The following KCNQ4 variants were observed in gnomAD, a reference collection of about 807,000 sequenced individuals.
The protein encoded by KCNQ4 is potassium voltage-gated channel subfamily Q member 4.
In KCNQ4, 31 loss-of-function variants were observed where a neutral mutation model predicts 72.6. That is an observed-to-expected ratio of 0.43 (90% CI 0.32 to 0.58). The LOEUF (loss-of-function observed/expected upper bound fraction) is 0.58, where lower values mean the gene tolerates loss of function less well. KCNQ4 is among the 20% of genes least tolerant of loss of function. The pLI, the probability that KCNQ4 is intolerant of heterozygous loss-of-function variation, is 0.08. For missense variants in KCNQ4, 869 were observed against 962.6 expected, an observed-to-expected ratio of 0.90 and a Z score of 1.29; for synonymous variants, 405 against 403.7, an observed-to-expected ratio of 1.00 and a Z score of -0.04.
At position 40,818,176 on chromosome 1, in the gene KCNQ4, A is replaced by G. The variant is rs1281035238; in HGVS notation, c.418A>G (p.Ile140Val). 1.2e-6 allele frequency: 2 copies of G among 1,613,954 alleles called. No individual in the cohort carries two copies. Among genetic ancestry groups the G allele is most frequent in the Admixed American group, 3.3e-5 (2 of 60,018 alleles). ...ECLLILEFVM[I>V]VVFGLEYIVR... ...CCTGGTCCCACAGGAATTCGTGATGATCGTGGTTTTCGGCTTGGAGTACAT... is the reference window on the plus strand; with the variant it reads ...CCTGGTCCCACAGGAATTCGTGATGGTCGTGGTTTTCGGCTTGGAGTACAT... Residue 140 changes from isoleucine to valine, a missense_variant, in exon 3 of 14, where the codon ATC becomes GTC. Physicochemically the swap from Ile to Val is conservative, Grantham distance 29. This residue lies in a region of KCNQ4 where 179 missense variants were observed against 243.0 expected (regional missense o/e 0.74). Coordinates refer to ENST00000347132, the MANE Select transcript of KCNQ4 (RefSeq NM_004700.4).
At chr1:40,786,867 T>G (rs1446868382) in intron 1 of KCNQ4, among the ~76,000 whole-genome samples, 2 of 152,050 alleles carry the variant, frequency 1.3e-5, no homozygotes, top group African/African-American at 4.8e-5. Context: ...TGTGAGGAGC[T>G]CCAGATGTGG....
intron 9 of KCNQ4, 50 bp from the exon 10 acceptor site, chr1:40,831,034 C>A: frequency 6.6e-7 from 1 of 1,506,556 alleles, no homozygotes; most frequent in Non-Finnish European, 9.0e-7. Context: ...CTCACCCCCA[C>A]CCCCAGCTCT....
chr1:40,815,784 C>T (rs1648069062), intron 1 of KCNQ4, among the ~76,000 whole-genome samples: 1 of 152,164 alleles, frequency 6.6e-6, no homozygotes, highest in African/African-American at 2.4e-5. Flanking sequence ...TGCATGTCTT[C>T]CTTCCATAGC....
In KCNQ4 at chr1:40,794,496, C is replaced by T. The variant is rs2769258; in HGVS notation, c.314+10089C>T. On this transcript the variant is annotated intron_variant, in intron 1 of 13. Coordinates refer to ENST00000347132, the MANE Select transcript of KCNQ4 (RefSeq NM_004700.4). This position sits in a 1 kb window ranked among gnomAD's most constrained non-coding sequence, Gnocchi z 4.2. ...CTAAGTTACACAGCTTGTCTGTGGT[C>T]GAGTCAAGACTCAAACCCATGTCGG... Among the ~76,000 whole-genome samples, 72,598 of 152,080 alleles carry T rather than the reference C, an allele frequency of 0.48. 17,939 individuals are homozygous for T. The highest frequency in any genetic ancestry group is 0.74 in the East Asian group (3,811 of 5,160).
chr1:40,833,173 T>C, intron 11 of KCNQ4, 60 bp downstream of exon 11: 1 of 1,266,450 alleles, frequency 7.9e-7, no homozygotes, highest in Non-Finnish European at 1.1e-6. Context: ...CTGCTCCCCA[T>C]CTGGGCGGGT....
At chr1:40,818,062 C>G in intron 2 of KCNQ4, 102 bp from the exon 3 acceptor site, 3 of 1,502,078 alleles carry the variant, frequency 2.0e-6, no homozygotes, top group Non-Finnish European at 2.8e-6. Flanking sequence ...TCCGAGGAGG[C>G]CCTGGTCCCC....
intron 1 of KCNQ4, among the ~76,000 whole-genome samples, chr1:40,808,185 T>A (rs1647819758): frequency 6.6e-6 from 1 of 150,906 alleles, no homozygotes; most frequent in South Asian, 2.1e-4. Flanking sequence ...GGAGGGACGC[T>A]GGAAAGACGA....
chr1:40,790,941 G>A (rs1355981746), intron 1 of KCNQ4, among the ~76,000 whole-genome samples: 4 of 152,170 alleles, frequency 2.6e-5, no homozygotes, highest in Non-Finnish European at 5.9e-5. Flanking sequence ...GTGTATGCCA[G>A]AGGGCCACTG....
intron 1 of KCNQ4, among the ~76,000 whole-genome samples, chr1:40,811,138 G>T (rs920286549): frequency 4.6e-5 from 7 of 152,086 alleles, no homozygotes; most frequent in African/African-American, 1.7e-4. Context: ...TTAAGAACAT[G>T]CATTTAGAGG....
At chr1:40,813,200 T>C (rs1326857720) in intron 1 of KCNQ4, among the ~76,000 whole-genome samples, 2 of 151,672 alleles carry the variant, frequency 1.3e-5, no homozygotes, top group East Asian at 3.9e-4. Flanking sequence ...TGCCGAGGAG[T>C]TGGACTTTCC....
In KCNQ4 at chr1:40,821,689, A is replaced by G. The variant is rs74928755; in HGVS notation, c.1042-625A>G. Among the ~76,000 whole-genome samples the G allele has an allele frequency of 3.3e-3, 509 of 152,340 alleles. 12 individuals are homozygous for G. The East Asian group carries it at 0.047, about 14-fold the overall frequency. On this transcript the variant is annotated intron_variant, in intron 7 of 13. Transcript: ENST00000347132. ...ATAATGACATTCTGCAAACATTTGC[A>G]AAGCACCCACATGTGCCAGACACTA...
At chr1:40,837,560 G>T (rs189972526) in intron 12 of KCNQ4, 105 bp from the exon 13 acceptor site, 121 of 1,417,890 alleles carry the variant, frequency 8.5e-5, no homozygotes, top group East Asian at 7.0e-5. Context: ...CCCTCAGATT[G>T]CCTGTCCCCT....
At chr1:40,834,922 C>G (rs746145430) in intron 11 of KCNQ4, 45 bp from the exon 12 acceptor site, 1 of 1,608,648 alleles carries the variant, frequency 6.2e-7, no homozygotes, top group Admixed American at 1.7e-5. Flanking sequence ...GGGAAAGAAT[C>G]CCTGCTCTAA....
chr1:40,819,285 G>GC, intron 4 of KCNQ4, 62 bp from the exon 5 acceptor site: 2 of 1,602,796 alleles, frequency 1.2e-6, no homozygotes, highest in Non-Finnish European at 8.5e-7. Flanking sequence ...CCGTGTGGAA[G>GC]CCCCCCACAT....
At chr1:40,797,674 C>A (rs1184949049) in intron 1 of KCNQ4, among the ~76,000 whole-genome samples, 2 of 152,144 alleles carry the variant, frequency 1.3e-5, no homozygotes, top group African/African-American at 4.8e-5. Context: ...ATGCTACCAA[C>A]TTGTCCCCCT....
intron 1 of KCNQ4, among the ~76,000 whole-genome samples, chr1:40,791,764 A>T (rs554816126): frequency 2.8e-4 from 43 of 152,290 alleles, no homozygotes; most frequent in African/African-American, 1.0e-3. Context: ...GGAAGGTGGG[A>T]CTGGAGGAAA....
chr1:40,796,681 C>G (rs1004951587), intron 1 of KCNQ4, among the ~76,000 whole-genome samples: 3 of 152,160 alleles, frequency 2.0e-5, no homozygotes, highest in Admixed American at 1.3e-4. Context: ...CTTTGGGAGG[C>G]AGAGGCAGGC....
Position 40,784,103 on chromosome 1 carries a change from G to C in KCNQ4, c.10G>C (p.Ala4Pro). The change falls in exon 1 of 14, where the codon GCC becomes CCC. Residue 4 changes from alanine to proline, a missense_variant. Physicochemically the swap from Ala to Pro is conservative, Grantham distance 27 (BLOSUM62 -1). This residue lies in a region of KCNQ4 where 178 missense variants were observed against 145.3 expected (regional missense o/e 1.22). Transcript: ENST00000347132. This position sits in a 1 kb window ranked among gnomAD's most constrained non-coding sequence, Gnocchi z 4.1. MAE[A>P]PPRRLGLGPP... Reference sequence around the variant, plus strand: ...CAGCCCGGCGCCGCCCATGGCCGAGGCCCCCCCGCGCCGCCTCGGCCTGGG... The same window carrying C: ...CAGCCCGGCGCCGCCCATGGCCGAGCCCCCCCCGCGCCGCCTCGGCCTGGG... 1 of 484,732 alleles carries C rather than the reference G, an allele frequency of 2.1e-6. No homozygotes were observed. The highest frequency in any genetic ancestry group is 2.7e-6 in the Non-Finnish European group (1 of 372,042). The allele number at this position is 484,732 out of a possible 1,614,324, so 30.0% of individuals were successfully genotyped here.
At chr1:40,819,018 G>T (rs989583539) in intron 4 of KCNQ4, 2 of 561,326 alleles carry the variant, frequency 3.6e-6, no homozygotes, top group Admixed American at 3.1e-5. Flanking sequence ...GGCTGGAGCG[G>T]GGCTAGGGTG....
Sources: allele counts gnomAD v4.1 joint callset (sites outside exome capture counted in the v4.1 genomes callset), GRCh38; gene constraint gnomAD v4.1.1; regional missense constraint gnomAD v4.1.1; non-coding constraint Gnocchi (gnomAD v3.1); transcripts MANE v1.5; gene names NCBI Gene and HGNC (gene_info 2026-07-23, HGNC 2026-07-21).